KCNH5: variants seen among roughly 807,000 people sequenced by gnomAD.
KCNH5 encodes the protein voltage-gated delayed rectifier potassium channel KCNH5.
KCNH5 carries 46 observed loss-of-function variants against 96.1 expected under a neutral mutation model. The observed-to-expected ratio is 0.48, with a 90% confidence interval of 0.38 to 0.61. The LOEUF (loss-of-function observed/expected upper bound fraction) is 0.61, where lower values mean the gene tolerates loss of function less well. Ranked by LOEUF, KCNH5 falls within the 20% of genes least tolerant of loss-of-function variation. The probability of loss-of-function intolerance (pLI) is 0.00; values close to 1 mark genes in which losing one functional copy is unlikely to be tolerated. For synonymous variants in KCNH5, 439 were observed against 449.8 expected (o/e 0.98, Z 0.30); for missense variants, 907 against 1,225.8 (o/e 0.74, Z 3.88).
chr14:62,938,519 A>T (rs992263471), intron 7 of KCNH5, among the ~76,000 whole-genome samples: 5 of 152,226 alleles, frequency 3.3e-5, no homozygotes, highest in African/African-American at 1.2e-4. Context: ...CTTTGGTATG[A>T]CATTTATTTT....
chr14:62,757,347 T>C (rs555379399), intron 10 of KCNH5, among the ~76,000 whole-genome samples: 2 of 152,302 alleles, frequency 1.3e-5, no homozygotes, highest in East Asian at 3.9e-4. Flanking sequence ...TTGGTCGGAA[T>C]GTAAATTAGT....
At position 62,987,126 on chromosome 14, in the gene KCNH5, C is replaced by T. The variant is rs1409047367; in HGVS notation, c.495G>A (p.Gln165=). 5 of 1,613,546 alleles carry T rather than the reference C, an allele frequency of 3.1e-6. No individual in the cohort carries two copies. The Admixed American group carries it at 6.7e-5, about 22-fold the overall frequency. Residue 165 remains glutamine (Q), a synonymous_variant, in exon 5 of 11, where the codon CAG becomes CAA. Coordinates refer to ENST00000322893, the MANE Select transcript of KCNH5 (RefSeq NM_139318.5). ...CCTCTGTTTTATTCATTGGCGTGAG[C>T]TGCTGCAAAACACTTCGGCTATTTG... is the stretch of plus-strand genomic sequence containing the variant. ...ALTNSRSVLQ[Q]LTPMNKTEVV... is the part of the protein sequence containing the mutation.
chr14:62,916,621 T>C (rs1889280077), intron 7 of KCNH5, among the ~76,000 whole-genome samples: 2 of 152,204 alleles, frequency 1.3e-5, no homozygotes. Flanking sequence ...TCCACTGCCA[T>C]ACAAACAGTG....
chr14:63,035,515 A>G (rs1327662314), intron 1 of KCNH5, among the ~76,000 whole-genome samples: 2 of 152,218 alleles, frequency 1.3e-5, no homozygotes, highest in Admixed American at 6.5e-5. Context: ...GCAGGATTTC[A>G]CTAGGATGGT....
intron 10 of KCNH5, among the ~76,000 whole-genome samples, chr14:62,747,979 T>A (rs898689582): frequency 3.9e-5 from 6 of 152,210 alleles, no homozygotes; most frequent in Non-Finnish European, 8.8e-5. Context: ...ACTGCATTGC[T>A]GTATATGAAA....
At chr14:62,873,894 C>G (rs1374416696) in intron 7 of KCNH5, among the ~76,000 whole-genome samples, 1 of 152,172 alleles carries the variant, frequency 6.6e-6, no homozygotes, top group Non-Finnish European at 1.5e-5. Flanking sequence ...AAGGACTGAT[C>G]TGGGTCTAGT....
chr14:62,959,120 A>G (rs1015072360), intron 6 of KCNH5, among the ~76,000 whole-genome samples: 1 of 152,114 alleles, frequency 6.6e-6, no homozygotes, highest in African/African-American at 2.4e-5. Context: ...TCATTTTAGA[A>G]CAATATTTTA....
chr14:62,958,611 C>A (rs1479760634), intron 6 of KCNH5, among the ~76,000 whole-genome samples: 5 of 151,978 alleles, frequency 3.3e-5, no homozygotes, highest in African/African-American at 4.8e-5. Flanking sequence ...AATGTATTAA[C>A]CCTCTTCATT....
chr14:62,829,485 C>T (rs1222928784), intron 8 of KCNH5, among the ~76,000 whole-genome samples: 5 of 152,216 alleles, frequency 3.3e-5, no homozygotes, highest in Admixed American at 6.5e-5. Context: ...GTCTTATGTG[C>T]ACCCACAGGC....
At chr14:62,994,654 T>A (rs1890873941) in intron 4 of KCNH5, among the ~76,000 whole-genome samples, 1 of 152,064 alleles carries the variant, frequency 6.6e-6, no homozygotes, top group Admixed American at 6.6e-5. Flanking sequence ...CTGTGCTTCA[T>A]TTTTGTGGGG....
rs1884453454 is a variant in KCNH5, at chr14:62,707,323, C to CAAAGAA, written c.*184_*185insTTCTTT. On this transcript the variant is annotated 3_prime_UTR_variant, in exon 11 of 11. Transcript: ENST00000322893. ...CAACTGCATAATATACAAGCAATAT[C>CAAAGAA]TATGTTTTTAATCATCATCTTCTTT... 8 of 345,062 alleles carry CAAAGAA rather than the reference C, an allele frequency of 2.3e-5. No individual in the cohort carries two copies. The highest frequency in any genetic ancestry group is 4.1e-5 in the Non-Finnish European group (8 of 196,656). The allele number at this position is 345,062 out of a possible 1,614,324, so 21.4% of individuals were successfully genotyped here.
intron 10 of KCNH5, among the ~76,000 whole-genome samples, chr14:62,771,887 A>G (rs1885995389): frequency 6.6e-6 from 1 of 152,224 alleles, no homozygotes; most frequent in Admixed American, 6.5e-5. Context: ...TCTGGCCATG[A>G]TCACTCAATC....
At chr14:62,754,570 A>G (rs1228517565) in intron 10 of KCNH5, among the ~76,000 whole-genome samples, 2 of 152,062 alleles carry the variant, frequency 1.3e-5, no homozygotes, top group African/African-American at 4.8e-5. Flanking sequence ...ATTTCATACA[A>G]ATGGAAAATA....
intron 7 of KCNH5, among the ~76,000 whole-genome samples, chr14:62,912,452 G>T (rs779604624): frequency 1.3e-5 from 2 of 151,092 alleles, no homozygotes; most frequent in Non-Finnish European, 1.5e-5. Flanking sequence ...TTTCGCCCTG[G>T]ATGGAGTGCA....
intron 10 of KCNH5, among the ~76,000 whole-genome samples, chr14:62,768,513 G>A (rs1885914325): frequency 6.6e-6 from 1 of 152,136 alleles, no homozygotes. Context: ...CAGCTAAGAT[G>A]CCTCTAGAGA....
intron 7 of KCNH5, among the ~76,000 whole-genome samples, chr14:62,928,621 T>C (rs1889520964): frequency 6.6e-6 from 1 of 152,100 alleles, no homozygotes. Context: ...ACATCAAATC[T>C]GCTAAAGGTC....
At chr14:62,858,797 T>G (rs575363367) in intron 7 of KCNH5, among the ~76,000 whole-genome samples, 1 of 152,120 alleles carries the variant, frequency 6.6e-6, no homozygotes, top group Non-Finnish European at 1.5e-5. Flanking sequence ...GGATGCTGAT[T>G]CAGAGCATAC....
intron 7 of KCNH5, among the ~76,000 whole-genome samples, chr14:62,948,618 C>A (rs544709980): frequency 0.01 from 1,541 of 151,328 alleles, 27 homozygotes; most frequent in African/African-American, 0.036. Context: ...GAAACTATTC[C>A]AATCAATAGA....
chr14:62,938,020 C>T (rs1313576334), intron 7 of KCNH5, among the ~76,000 whole-genome samples: 1 of 152,170 alleles, frequency 6.6e-6, no homozygotes, highest in Non-Finnish European at 1.5e-5. Flanking sequence ...ATACCGAAGT[C>T]TCATCAGAAG....
Sources: allele counts gnomAD v4.1 joint callset (sites outside exome capture counted in the v4.1 genomes callset), GRCh38; gene constraint gnomAD v4.1.1; transcripts MANE v1.5; gene names NCBI Gene and HGNC (gene_info 2026-07-23, HGNC 2026-07-21).